The following CA8 variants were observed in gnomAD, a reference collection of about 807,000 sequenced individuals.
CA8 encodes the protein carbonic anhydrase-related protein.
A neutral mutation model predicts 41.4 loss-of-function variants in CA8; 22 were observed. The ratio of observed to expected loss-of-function variants is 0.53; its 90% CI spans 0.38 to 0.76. The LOEUF is 0.76. CA8 is among the 30% of genes least tolerant of loss of function. CA8 has a pLI of 0.00. For synonymous variants in CA8, 121 were observed against 130.6 expected, an observed-to-expected ratio of 0.93 and a Z score of 0.50; for missense variants, 270 against 352.8, an observed-to-expected ratio of 0.77 and a Z score of 1.88.
rs143824302 is a variant in CA8 at position 60,250,521 on chromosome 8, C to T, written c.417+15404G>A. 8.1e-3 allele frequency among the ~76,000 whole-genome samples: 1,227 copies of T among 152,226 alleles called. 16 individuals carry two copies. The highest frequency in any genetic ancestry group is 0.028 in the African/African-American group (1,156 of 41,554). On this transcript the variant is annotated intron_variant, in intron 3 of 8. Transcript: ENST00000317995. ...TCTTTCCCCACACTGGTTCTAACAC[C>T]CGTTCTTTTTCCTTTTGTCAAGGCC...
chr8:60,247,785 G>A (rs57312886), intron 3 of CA8, among the ~76,000 whole-genome samples: 2,165 of 152,246 alleles, frequency 0.014, 49 homozygotes, highest in African/African-American at 0.049. Context: ...ATGGGATTGC[G>A]TATCAAATGG....
chr8:60,267,287 T>A (rs934859569), intron 2 of CA8, among the ~76,000 whole-genome samples: 2 of 152,278 alleles, frequency 1.3e-5, no homozygotes, highest in Non-Finnish European at 2.9e-5. Context: ...ATGAGGCTAT[T>A]AGACACAATG....
chr8:60,277,122 AG>A (rs1804263819), intron 2 of CA8, among the ~76,000 whole-genome samples: 1 of 72,842 alleles, frequency 1.4e-5, no homozygotes, highest in East Asian at 5.0e-4. Context: ...CTGTCTCAAA[AG>A]AAAAAAAAAA....
intron 8 of CA8, among the ~76,000 whole-genome samples, chr8:60,200,005 A>G (rs1332864706): frequency 6.6e-6 from 1 of 152,208 alleles, no homozygotes; most frequent in Non-Finnish European, 1.5e-5. Context: ...CTCCTATGTT[A>G]AAATCTTAAC....
intron 7 of CA8, among the ~76,000 whole-genome samples, chr8:60,220,949 T>C (rs1807223820): frequency 6.6e-6 from 1 of 152,170 alleles, no homozygotes. Flanking sequence ...TGTTTCTTTC[T>C]ATACAGAATG....
chr8:60,210,437 C>G (rs896593464), intron 7 of CA8, among the ~76,000 whole-genome samples: 1 of 152,268 alleles, frequency 6.6e-6, no homozygotes, highest in South Asian at 2.1e-4. Context: ...AGGGGGCCCA[C>G]GAAAGCCCTG....
intron 2 of CA8, 30 bp from the exon 3 acceptor site, chr8:60,266,079 A>G: frequency 6.2e-7 from 1 of 1,609,526 alleles, no homozygotes. Context: ...TTACCGAATT[A>G]CAGCACACAT....
At chr8:60,196,848 CA>C (rs1806295714) in intron 8 of CA8, among the ~76,000 whole-genome samples, 1 of 151,972 alleles carries the variant, frequency 6.6e-6, no homozygotes, top group Admixed American at 6.6e-5. Context: ...CTTGTCTGGC[CA>C]AACACTGAAA....
At chr8:60,213,327 A>T (rs1806904162) in intron 7 of CA8, among the ~76,000 whole-genome samples, 1 of 152,252 alleles carries the variant, frequency 6.6e-6, no homozygotes, top group African/African-American at 2.4e-5. Context: ...TCACCTCAAG[A>T]GAGTTTCTGA....
intron 4 of CA8, 23 bp downstream of exon 4, chr8:60,232,261 G>T (rs199747452): frequency 1.3e-6 from 2 of 1,557,566 alleles, no homozygotes; most frequent in African/African-American, 1.4e-5. Context: ...TAAACAATAC[G>T]ATAATCACAG....
intron 7 of CA8, among the ~76,000 whole-genome samples, chr8:60,219,533 T>A (rs1362065528): frequency 6.6e-6 from 1 of 152,176 alleles, no homozygotes; most frequent in East Asian, 1.9e-4. Flanking sequence ...TTGTCATGTG[T>A]TTCCAACTGT....
At chr8:60,229,711 C>A (rs1807574312) in intron 4 of CA8, among the ~76,000 whole-genome samples, 1 of 152,172 alleles carries the variant, frequency 6.6e-6, no homozygotes, top group Admixed American at 6.5e-5. Flanking sequence ...ATGCCCCGGG[C>A]CATCCAGCTC....
rs1489030127 is a variant in CA8 at position 60,186,105 on chromosome 8, G to T, written c.*3916C>A. Among the ~76,000 whole-genome samples the T allele has an allele frequency of 6.6e-6, 1 of 151,784 alleles. No homozygotes were observed. Among genetic ancestry groups the T allele is most frequent in the Non-Finnish European group, 1.5e-5 (1 of 67,876 alleles). On this transcript the variant is annotated 3_prime_UTR_variant, in exon 9 of 9. Transcript: ENST00000317995. ...AGACAAAATGAACATAACCAGAAAT[G>T]GTAAATTAAAAGCTTACTAGAAGAA...
chr8:60,231,929 T>C lies in CA8; in HGVS notation c.513+355A>G, dbSNP rs974691129. On this transcript the variant is annotated intron_variant, in intron 4 of 8. Transcript: ENST00000317995. The stretch of plus-strand genomic sequence containing the variant: ...AGTAATCTACTACATACTTCTATTA[T>C]TGTTATTGATTTTTTTTGTAGATTT... Among the ~76,000 whole-genome samples, 19 of 152,212 alleles carry C rather than the reference T, an allele frequency of 1.2e-4. 1 individual carries two copies. Among genetic ancestry groups the C allele is most frequent in the Admixed American group, 1.2e-3 (18 of 15,272 alleles).
At chr8:60,193,155 T>C (rs565861190) in intron 8 of CA8, among the ~76,000 whole-genome samples, 2 of 152,270 alleles carry the variant, frequency 1.3e-5, no homozygotes, top group South Asian at 2.1e-4. Flanking sequence ...TTCTCTGGAG[T>C]GATAAATACC....
rs963494434 is a variant in CA8, at chr8:60,189,762, T to C, written c.*259A>G. 2 of 152,572 alleles carry C rather than the reference T, an allele frequency of 1.3e-5. No individual in the cohort carries two copies. Among genetic ancestry groups the C allele is most frequent in the African/African-American group, 2.4e-5 (1 of 41,450 alleles). The allele number at this position is 152,572 out of a possible 1,614,324, so 9.5% of individuals were successfully genotyped here. On this transcript the variant is annotated 3_prime_UTR_variant, in exon 9 of 9. Coordinates refer to ENST00000317995, the MANE Select transcript of CA8 (RefSeq NM_004056.6). ...AAGCAATAAACAGTATGTGCAACTA[T>C]GAATCCTAGCAGCAGTAATGTGGAT...
intron 4 of CA8, among the ~76,000 whole-genome samples, chr8:60,231,307 C>T (rs1585880890): frequency 1.3e-5 from 2 of 152,136 alleles, no homozygotes; most frequent in African/African-American, 4.8e-5. Flanking sequence ...ATTTCTATGA[C>T]GTGTCATATT....
At position 60,226,952 on chromosome 8, in the gene CA8, A is replaced by G; in HGVS notation, c.514-17T>C. 1 of 1,573,760 alleles carries G rather than the reference A, an allele frequency of 6.4e-7. No homozygotes were observed. The highest frequency in any genetic ancestry group is 8.7e-7 in the Non-Finnish European group (1 of 1,144,130). On this transcript the variant is annotated splice_polypyrimidine_tract_variant and intron_variant, in intron 4 of 8. Transcript: ENST00000317995. ...CTTTCCTATCTGAAAAACATAAAGC[A>G]TAAACCACAACCACAACATTTTTCA...
At chr8:60,204,729 G>C (rs1806528842) in intron 8 of CA8, among the ~76,000 whole-genome samples, 2 of 152,172 alleles carry the variant, frequency 1.3e-5, no homozygotes, top group Non-Finnish European at 2.9e-5. Flanking sequence ...CATCTGTAGA[G>C]CCTTCAGTTC....
Sources: allele counts gnomAD v4.1 joint callset (sites outside exome capture counted in the v4.1 genomes callset), GRCh38; gene constraint gnomAD v4.1.1; transcripts MANE v1.5; gene names NCBI Gene and HGNC (gene_info 2026-07-23, HGNC 2026-07-21).